VWA8: variants seen among roughly 807,000 people sequenced by gnomAD.
The protein encoded by VWA8 is von Willebrand factor A domain containing 8.
VWA8 carries 221 observed loss-of-function variants against 241.5 expected under a neutral mutation model. The observed-to-expected ratio is 0.91, with a 90% CI of 0.82 to 1.02. The LOEUF is 1.02. Among genes scored for constraint, VWA8 ranks in the 50% least tolerant of loss-of-function variants. The pLI is 0.00. For missense variants in VWA8, 2,322 were observed against 2,328.7 expected (o/e 1.00, Z 0.06); for synonymous variants, 852 against 827.1 (o/e 1.03, Z -0.52).
intron 34 of VWA8, among the ~76,000 whole-genome samples, chr13:41,686,622 A>G (rs539277641): frequency 6.6e-6 from 1 of 152,104 alleles, no homozygotes; most frequent in East Asian, 1.9e-4. Flanking sequence ...GGTTCATTCT[A>G]GTTTTCTTCC....
intron 2 of VWA8, among the ~76,000 whole-genome samples, chr13:41,937,570 C>T (rs1166286781): frequency 3.3e-5 from 5 of 152,178 alleles, no homozygotes; most frequent in Admixed American, 1.3e-4. Flanking sequence ...ACAGATGAAG[C>T]TTTGCTCGCT....
rs545820147 is a variant in VWA8 at position 41,672,556 on chromosome 13, A to G, written c.4410-1409T>C. ...TTGGAAAAACACAAAACCATTATAT[A>G]TTAGGTAAATTCTTATAATATTCTA... On this transcript the variant is annotated intron_variant, in intron 36 of 44. Transcript: ENST00000379310. Among the ~76,000 whole-genome samples, 11 of 152,324 alleles carry G rather than the reference A, an allele frequency of 7.2e-5. No homozygotes were observed. The South Asian group carries it at 2.3e-3, about 32-fold the overall frequency.
intron 14 of VWA8, among the ~76,000 whole-genome samples, chr13:41,826,179 A>G (rs1202640314): frequency 6.6e-6 from 1 of 152,242 alleles, no homozygotes; most frequent in Non-Finnish European, 1.5e-5. Flanking sequence ...ATCAGAGTGA[A>G]GCAGATTCTG....
chr13:41,881,203 T>C (rs530983664), intron 9 of VWA8, among the ~76,000 whole-genome samples: 24 of 152,140 alleles, frequency 1.6e-4, no homozygotes, highest in Non-Finnish European at 2.5e-4. Context: ...CATTTTGACA[T>C]ATCGACATCA....
intron 37 of VWA8, among the ~76,000 whole-genome samples, chr13:41,627,605 TG>T (rs2044700442): frequency 6.6e-6 from 1 of 152,162 alleles, no homozygotes; most frequent in Non-Finnish European, 1.5e-5. Context: ...GCTTGAACTT[TG>T]GGTTCATGGT....
In VWA8 at chr13:41,958,528, A is replaced by C. The variant is rs571723204; in HGVS notation, c.163+2325T>G. On this transcript the variant is annotated intron_variant, in intron 1 of 44. Coordinates refer to ENST00000379310, the MANE Select transcript of VWA8 (RefSeq NM_015058.2). ...CAGCTGAGAGCATCATCCCAACATA[A>C]GATGTAATCCATTATGGCCTATTGC... 5.3e-5 allele frequency among the ~76,000 whole-genome samples: 8 copies of C among 152,346 alleles called. No homozygotes were observed. In the East Asian group the frequency reaches 1.2e-3, roughly 22 times the overall value.
intron 40 of VWA8, among the ~76,000 whole-genome samples, chr13:41,591,686 A>G (rs560114901): frequency 6.6e-6 from 1 of 150,406 alleles, no homozygotes; most frequent in Admixed American, 6.6e-5. Flanking sequence ...AAAAGAAGAC[A>G]TTTATGCAGC....
chr13:41,587,745 A>T (rs190878869), intron 41 of VWA8, 75 bp from the exon 42 acceptor site: 1 of 1,570,422 alleles, frequency 6.4e-7, no homozygotes, highest in East Asian at 2.3e-5. Context: ...GGGATCTCAC[A>T]GAAGCTCCAG....
intron 17 of VWA8, among the ~76,000 whole-genome samples, chr13:41,795,860 G>T (rs1869675494): frequency 6.6e-6 from 1 of 152,048 alleles, no homozygotes; most frequent in African/African-American, 2.4e-5. Flanking sequence ...TAATACCTAG[G>T]TGATGGGTTG....
At position 41,570,652 on chromosome 13, in the gene VWA8, TC is replaced by T. The variant is rs766244538; in HGVS notation, c.5424del (p.Thr1809GlnfsTer19). On this transcript the variant is annotated frameshift_variant, in exon 44 of 45. Coordinates refer to ENST00000379310, the MANE Select transcript of VWA8 (RefSeq NM_015058.2). LOFTEE classifies it high-confidence loss of function. ...FCMSGDHTLEGTEHAIKEIVK... is the reference protein window; with the variant it reads ...FCMSGDHTLEXTEHAIKEIVK... ...ACAATTTCCTTGATGGCATGTTCTGTCCCTTCTAACGTGTGGTCCCCACTCA... is the reference window on the plus strand; with the variant it reads ...ACAATTTCCTTGATGGCATGTTCTGTCCTTCTAACGTGTGGTCCCCACTCA... 3.1e-6 allele frequency: 5 copies of T among 1,614,252 alleles called. No individual in the cohort carries two copies. The African/African-American group carries it at 6.7e-5, about 22-fold the overall frequency.
At position 41,587,541 on chromosome 13, in the gene VWA8, C is replaced by T. The variant is rs777663948; in HGVS notation, c.5242G>A (p.Ala1748Thr). Residue 1748 changes from alanine (A) to threonine (T), a missense_variant, in exon 42 of 45, where the codon GCC becomes ACC. Physicochemically the swap from Ala to Thr is moderately conservative, Grantham distance 58. Coordinates refer to ENST00000379310, the MANE Select transcript of VWA8 (RefSeq NM_015058.2). ...AACTTCTCCTCATAGTTCTCGAAGG[C>T]TTCCATGACCATACACACAGCCTCC... Reference protein sequence around the residue: ...TMEAVCMVMEAFENYEEKFQY... With the variant: ...TMEAVCMVMETFENYEEKFQY... 5 of 1,614,194 alleles carry T rather than the reference C, an allele frequency of 3.1e-6. No individual in the cohort carries two copies. Among genetic ancestry groups the T allele is most frequent in the Non-Finnish European group, 4.2e-6 (5 of 1,180,038 alleles).
rs1365645763 is a variant in VWA8 at position 41,833,474 on chromosome 13, C to T, written c.1483G>A (p.Ala495Thr). The change falls in exon 13 of 45, where the codon GCC (alanine) becomes ACC (threonine). Residue 495 changes from alanine (A) to threonine (T), a missense_variant. Transcript: ENST00000379310. ...TTCACAAGGGGTGAGGACCGCCAGG[C>T]AGTGTCTCCATTTGGAAGGGTGTAT... is the stretch of plus-strand genomic sequence containing the variant. ...QRYTLPNGDT[A>T]WRSSPLVNAA... 2 of 1,613,868 alleles carry T rather than the reference C, an allele frequency of 1.2e-6. No homozygotes were observed. Among genetic ancestry groups the T allele is most frequent in the Admixed American group, 1.7e-5 (1 of 59,952 alleles).
intron 8 of VWA8, 30 bp downstream of exon 8, chr13:41,885,890 G>A: frequency 2.0e-6 from 3 of 1,474,596 alleles, no homozygotes; most frequent in South Asian, 2.5e-5. Context: ...ACATATTTGG[G>A]TATGCCAGTC....
At chr13:41,929,116 A>T (rs2138137738) in intron 2 of VWA8, among the ~76,000 whole-genome samples, 1 of 152,228 alleles carries the variant, frequency 6.6e-6, no homozygotes, top group East Asian at 1.9e-4. Context: ...TGAGAAAGAA[A>T]AACAAACTTG....
At chr13:41,660,504 A>G (rs17594641) in intron 37 of VWA8, among the ~76,000 whole-genome samples, 18,167 of 152,194 alleles carry the variant, frequency 0.12, 1,451 homozygotes, top group East Asian at 0.27. Context: ...GAGAAGCAGT[A>G]TCCCTGTGTG....
Position 41,687,456 on chromosome 13 carries a change from T to C in VWA8, c.4131+1898A>G, listed in dbSNP as rs181326642. ...ATGAAAAAGTTAATAAGAGGTAGCA[T>C]ACTCATTTGTCAATAGTTTCATACA... On this transcript the variant is annotated intron_variant, in intron 34 of 44. Coordinates refer to ENST00000379310, the MANE Select transcript of VWA8 (RefSeq NM_015058.2). Among the ~76,000 whole-genome samples the C allele has an allele frequency of 4.6e-5, 7 of 152,296 alleles. No homozygotes were observed. The East Asian group carries it at 1.3e-3, about 29-fold the overall frequency.
rs1436113593 is a variant in VWA8, at chr13:41,943,086, AAAATAAAAAT to A, written c.241+6840_241+6849del. Among the ~76,000 whole-genome samples the A allele has an allele frequency of 3.9e-5, 6 of 152,242 alleles. No homozygotes were observed. The East Asian group carries it at 9.6e-4, about 24-fold the overall frequency. On this transcript the variant is annotated intron_variant, in intron 2 of 44. Coordinates refer to ENST00000379310, the MANE Select transcript of VWA8 (RefSeq NM_015058.2). Reference sequence around the variant, plus strand: ...TGAAGCTGGTGTTAGAAGAGGAACTAAAATAAAAATAAATAAAAATTAATGCTTGGAAATC... The same window carrying A: ...TGAAGCTGGTGTTAGAAGAGGAACTAAAATAAAAATTAATGCTTGGAAATC...
intron 37 of VWA8, among the ~76,000 whole-genome samples, chr13:41,658,855 G>C (rs1490870717): frequency 6.6e-6 from 1 of 152,226 alleles, no homozygotes; most frequent in African/African-American, 2.4e-5. Flanking sequence ...TGCCTGGAAA[G>C]TGAGCAGTAA....
intron 37 of VWA8, among the ~76,000 whole-genome samples, chr13:41,629,708 C>A (rs773275256): frequency 5.3e-5 from 8 of 152,156 alleles, no homozygotes; most frequent in Non-Finnish European, 8.8e-5. Flanking sequence ...AAAGGGCTGA[C>A]CACCACCCAG....
Sources: gnomAD v4.1 joint callset for allele counts (sites outside exome capture counted in the v4.1 genomes callset) on GRCh38, gnomAD v4.1.1 for gene constraint, MANE v1.5 for transcripts, NCBI Gene and HGNC (gene_info 2026-07-23, HGNC 2026-07-21) for gene names.